PCCA: variants seen among roughly 807,000 people sequenced by gnomAD.
The protein encoded by PCCA is propionyl-CoA carboxylase alpha chain, mitochondrial.
In PCCA, 74 loss-of-function variants were observed where a neutral mutation model predicts 101.3. The ratio of observed to expected loss-of-function variants is 0.73; its 90% CI spans 0.61 to 0.89. PCCA has a LOEUF of 0.89. Among genes scored for constraint, PCCA ranks in the 40% least tolerant of loss-of-function variants. PCCA has a pLI of 0.00. For synonymous variants in PCCA, 294 were observed against 313.6 expected (o/e 0.94, Z 0.66); for missense variants, 891 against 907.0 (o/e 0.98, Z 0.23).
Position 100,368,205 on chromosome 13 carries a change from AT to A in PCCA, c.1644-258del, listed in dbSNP as rs1165783458. Among the ~76,000 whole-genome samples, 6 of 151,576 alleles carry A rather than the reference AT, an allele frequency of 4.0e-5. No individual in the cohort carries two copies. In the South Asian group the frequency reaches 6.3e-4, roughly 16 times the overall value. On this transcript the variant is annotated intron_variant, in intron 18 of 23. Coordinates refer to ENST00000376285, the MANE Select transcript of PCCA (RefSeq NM_000282.4). ...TGGCATACTTACTTATTTCATTGTA[AT>A]TTTTTTTTAAAAAAACCATTTTGAA...
intron 22 of PCCA, among the ~76,000 whole-genome samples, chr13:100,520,303 T>C (rs1397846652): frequency 6.6e-6 from 1 of 152,214 alleles, no homozygotes; most frequent in Non-Finnish European, 1.5e-5. Flanking sequence ...CGACTACCCC[T>C]GGATTTGGCC....
chr13:100,441,883 T>C (rs940772503), intron 20 of PCCA, among the ~76,000 whole-genome samples: 3 of 152,206 alleles, frequency 2.0e-5, no homozygotes, highest in Non-Finnish European at 4.4e-5. Flanking sequence ...TCCTAGGCTC[T>C]AGGAAAAGTA....
chr13:100,093,774 T>C (rs1310462100), intron 1 of PCCA, among the ~76,000 whole-genome samples: 2 of 151,654 alleles, frequency 1.3e-5, no homozygotes, highest in Non-Finnish European at 2.9e-5. Flanking sequence ...CAAAATAAAA[T>C]AAAATAAAAT....
chr13:100,288,565 G>T (rs768415446), intron 12 of PCCA, among the ~76,000 whole-genome samples: 2 of 152,236 alleles, frequency 1.3e-5, no homozygotes, highest in Non-Finnish European at 2.9e-5. Context: ...ATAGCCCCGT[G>T]CCAGGGCACC....
chr13:100,386,491 C>T (rs9585428), intron 19 of PCCA, among the ~76,000 whole-genome samples: 4,251 of 152,236 alleles, frequency 0.028, 187 homozygotes, highest in African/African-American at 0.098. Context: ...ACACCATTCT[C>T]CTGCCTCAGC....
rs181912418 is a variant in PCCA at position 100,417,380 on chromosome 13, A to T, written c.1747-8253A>T. Among the ~76,000 whole-genome samples, 9 of 152,292 alleles carry T rather than the reference A, an allele frequency of 5.9e-5. No individual in the cohort carries two copies. The East Asian group carries it at 1.7e-3, about 29-fold the overall frequency. ...TTTTATACCAAACACTCCGTGCTCC[A>T]TGTCTTTTTTGGAGTTTACACTTTT... On this transcript the variant is annotated intron_variant, in intron 19 of 23. Transcript: ENST00000376285.
rs183015463 is a variant in PCCA, at chr13:100,374,199, A to G, written c.1746+5625A>G. Among the ~76,000 whole-genome samples the G allele has an allele frequency of 2.6e-4, 40 of 152,292 alleles. No individual in the cohort carries two copies. In the East Asian group the frequency reaches 6.9e-3, roughly 26 times the overall value. ...CATGGTAAAAATGAAAGTTAAGTGA[A>G]GTGTTAATCGTAGGAGAAGTGAAGT... On this transcript the variant is annotated intron_variant, in intron 19 of 23. Coordinates refer to ENST00000376285, the MANE Select transcript of PCCA (RefSeq NM_000282.4).
chr13:100,124,934 A>C (rs2049802016), intron 4 of PCCA, among the ~76,000 whole-genome samples: 2 of 152,188 alleles, frequency 1.3e-5, no homozygotes, highest in Non-Finnish European at 2.9e-5. Context: ...ACATGATTTC[A>C]GAATATTTTC....
At chr13:100,390,843 A>C (rs1285928858) in intron 19 of PCCA, among the ~76,000 whole-genome samples, 2 of 152,218 alleles carry the variant, frequency 1.3e-5, no homozygotes, top group Non-Finnish European at 2.9e-5. Flanking sequence ...ATATGCGGAC[A>C]AGTGGAGTGA....
At chr13:100,529,979 C>A in intron 23 of PCCA, 119 bp from the exon 24 acceptor site, 2 of 800,270 alleles carry the variant, frequency 2.5e-6, no homozygotes, top group South Asian at 1.4e-5. Context: ...GTGGCTTGTC[C>A]CTGTGCTGCT....
At chr13:100,158,344 G>A (rs1446014272) in intron 6 of PCCA, among the ~76,000 whole-genome samples, 1 of 152,178 alleles carries the variant, frequency 6.6e-6, no homozygotes, top group Non-Finnish European at 1.5e-5. Context: ...ATTTGTGAAT[G>A]TTGTTATTTT....
intron 12 of PCCA, among the ~76,000 whole-genome samples, chr13:100,293,023 T>C (rs1039892568): frequency 6.6e-6 from 1 of 151,952 alleles, no homozygotes; most frequent in Admixed American, 6.6e-5. Context: ...TTTAAGTGTT[T>C]TGGAAAAGCA....
chr13:100,089,516 G>A (rs2152192356), intron 1 of PCCA, among the ~76,000 whole-genome samples: 1 of 152,370 alleles, frequency 6.6e-6, no homozygotes, highest in East Asian at 1.9e-4. Context: ...GCTTTGGGCA[G>A]GCATATTGCT....
intron 20 of PCCA, among the ~76,000 whole-genome samples, chr13:100,433,307 T>G (rs1221965443): frequency 6.6e-6 from 1 of 152,204 alleles, no homozygotes; most frequent in Non-Finnish European, 1.5e-5. Context: ...TTTGTTTTGT[T>G]TTTTAATAAT....
chr13:100,426,484 G>A (rs990595706), intron 20 of PCCA, among the ~76,000 whole-genome samples: 1 of 151,972 alleles, frequency 6.6e-6, no homozygotes, highest in Non-Finnish European at 1.5e-5. Flanking sequence ...ATTTTACACA[G>A]GAAACTGGTT....
At chr13:100,131,602 C>T (rs540122927) in intron 4 of PCCA, among the ~76,000 whole-genome samples, 4 of 152,206 alleles carry the variant, frequency 2.6e-5, no homozygotes, top group East Asian at 3.9e-4. Flanking sequence ...GCGATGGTTT[C>T]GCATTATCAA....
intron 4 of PCCA, among the ~76,000 whole-genome samples, chr13:100,133,680 G>C (rs2050802352): frequency 6.6e-6 from 1 of 152,070 alleles, no homozygotes; most frequent in Non-Finnish European, 1.5e-5. Flanking sequence ...GTGTCAACTT[G>C]ATTGGGTTGA....
intron 19 of PCCA, among the ~76,000 whole-genome samples, chr13:100,376,958 G>A (rs556782522): frequency 1.3e-5 from 2 of 152,322 alleles, no homozygotes; most frequent in Non-Finnish European, 2.9e-5. Context: ...GAATCTTCTG[G>A]TCTGCGGGGT....
intron 11 of PCCA, among the ~76,000 whole-genome samples, chr13:100,271,873 T>C (rs1038474747): frequency 6.6e-6 from 1 of 152,200 alleles, no homozygotes; most frequent in African/African-American, 2.4e-5. Flanking sequence ...GCAAGTAGCA[T>C]AGATAAAGCC....
Sources: allele counts gnomAD v4.1 joint callset (sites outside exome capture counted in the v4.1 genomes callset), GRCh38; gene constraint gnomAD v4.1.1; transcripts MANE v1.5; gene names NCBI Gene and HGNC (gene_info 2026-07-23, HGNC 2026-07-21).